Variants in KCNH1 observed in about 807,000 individuals in gnomAD.
KCNH1 encodes potassium voltage-gated channel subfamily H member 1, also known as voltage-gated delayed rectifier potassium channel KCNH1.
A neutral mutation model predicts 69.2 loss-of-function variants in KCNH1; 27 were observed. The observed-to-expected ratio is 0.39, with a 90% CI of 0.29 to 0.54. KCNH1 has a LOEUF of 0.54. KCNH1 is among the 20% of genes least tolerant of loss of function. KCNH1 has a pLI of 0.68. For synonymous variants in KCNH1, 456 were observed against 487.7 expected (o/e 0.93, Z 0.86); for missense variants, 798 against 1,261.6 (o/e 0.63, Z 5.57).
At chr1:210,981,552 G>A (rs1373868593) in intron 6 of KCNH1, among the ~76,000 whole-genome samples, 1 of 151,994 alleles carries the variant, frequency 6.6e-6, no homozygotes, top group African/African-American at 2.4e-5. Flanking sequence ...ATGTAAAAAT[G>A]TCTTCATTTG....
intron 10 of KCNH1, among the ~76,000 whole-genome samples, chr1:210,700,589 A>C (rs1016196885): frequency 3.3e-5 from 5 of 152,160 alleles, no homozygotes; most frequent in African/African-American, 1.2e-4. Flanking sequence ...ATTTGTTGCT[A>C]TTTACATCTG....
At chr1:210,943,939 C>T (rs944005333) in intron 6 of KCNH1, among the ~76,000 whole-genome samples, 8 of 152,166 alleles carry the variant, frequency 5.3e-5, no homozygotes, top group Non-Finnish European at 1.0e-4. Flanking sequence ...ATATACTGGG[C>T]CCAGGGACTG....
intron 5 of KCNH1, among the ~76,000 whole-genome samples, chr1:211,053,574 A>G (rs2102442851): frequency 6.6e-6 from 1 of 152,352 alleles, no homozygotes; most frequent in African/African-American, 2.4e-5. Flanking sequence ...TTTTGGTAGA[A>G]AAAAGGGTTA....
chr1:210,987,495 T>C (rs1449090151), intron 6 of KCNH1, among the ~76,000 whole-genome samples: 1 of 152,216 alleles, frequency 6.6e-6, no homozygotes, highest in Non-Finnish European at 1.5e-5. Flanking sequence ...TAGTTTTCCT[T>C]CTAACAGTCA....
intron 6 of KCNH1, among the ~76,000 whole-genome samples, chr1:210,921,335 G>T (rs1280050397): frequency 1.3e-5 from 2 of 152,172 alleles, no homozygotes; most frequent in Non-Finnish European, 2.9e-5. Context: ...TCAAGACTTT[G>T]TCCTCCCTTA....
At chr1:211,012,500 C>T (rs546128789) in intron 6 of KCNH1, among the ~76,000 whole-genome samples, 1 of 152,128 alleles carries the variant, frequency 6.6e-6, no homozygotes, top group Non-Finnish European at 1.5e-5. Flanking sequence ...TGGAAGAACC[C>T]TATATGCATG....
At chr1:210,764,118 G>A (rs190808148) in intron 10 of KCNH1, among the ~76,000 whole-genome samples, 7 of 152,148 alleles carry the variant, frequency 4.6e-5, no homozygotes, top group Middle Eastern at 3.4e-3. Context: ...AAACAATAGG[G>A]AAAGAATACC....
At chr1:210,963,067 ACTTAT>A (rs1688328148) in intron 6 of KCNH1, among the ~76,000 whole-genome samples, 1 of 151,748 alleles carries the variant, frequency 6.6e-6, no homozygotes, top group Admixed American at 6.6e-5. Context: ...CCAAATCGTA[ACTTAT>A]CTTTTCATTT....
rs189746987 is a variant in KCNH1, at chr1:210,926,048, C to T, written c.1033-5979G>A. 3.0e-4 allele frequency among the ~76,000 whole-genome samples: 46 copies of T among 152,318 alleles called. No individual in the cohort carries two copies. In the East Asian group the frequency reaches 7.7e-3, roughly 26 times the overall value. ...CCGAGGTGGGCGGATCACCTGAGGT[C>T]AGGAGTTCGAGACCAGCCTGGCCAA... is the stretch of plus-strand genomic sequence containing the variant. On this transcript the variant is annotated intron_variant, in intron 6 of 10. Coordinates refer to ENST00000271751, the MANE Select transcript of KCNH1 (RefSeq NM_172362.3).
chr1:210,701,999 T>C (rs979749548), intron 10 of KCNH1, among the ~76,000 whole-genome samples: 6 of 152,242 alleles, frequency 3.9e-5, no homozygotes, highest in Non-Finnish European at 7.3e-5. Context: ...CACACTTGAA[T>C]AATAATTTGG....
At chr1:210,837,509 GA>G (rs1445700448) in intron 7 of KCNH1, among the ~76,000 whole-genome samples, 1 of 152,184 alleles carries the variant, frequency 6.6e-6, no homozygotes, top group Non-Finnish European at 1.5e-5. Context: ...CCATGACAAA[GA>G]GAGAAAATCC....
rs76051029 is a variant in KCNH1 at position 210,808,383 on chromosome 1, G to T, written c.1463-4217C>A. Among the ~76,000 whole-genome samples, 258 of 152,230 alleles carry T rather than the reference G, an allele frequency of 1.7e-3. 8 individuals are homozygous for T. In the East Asian group the frequency reaches 0.044, roughly 26 times the overall value. On this transcript the variant is annotated intron_variant, in intron 7 of 10. Coordinates refer to ENST00000271751, the MANE Select transcript of KCNH1 (RefSeq NM_172362.3). ...AGCAGGTCAGACATCAAGCAGGGAT[G>T]GACAACCATCATTTACAGCTCAGGG...
intron 6 of KCNH1, among the ~76,000 whole-genome samples, chr1:210,971,595 C>T (rs1300372741): frequency 1.3e-5 from 2 of 152,108 alleles, no homozygotes; most frequent in Non-Finnish European, 2.9e-5. Flanking sequence ...GAAAATATTA[C>T]ACAATGTTGT....
At chr1:210,974,928 C>A (rs1388098321) in intron 6 of KCNH1, among the ~76,000 whole-genome samples, 1 of 151,944 alleles carries the variant, frequency 6.6e-6, no homozygotes. Context: ...GTTTTGTACC[C>A]AATACATTAC....
chr1:210,701,930 A>G (rs1681791696), intron 10 of KCNH1, among the ~76,000 whole-genome samples: 1 of 152,166 alleles, frequency 6.6e-6, no homozygotes, highest in Non-Finnish European at 1.5e-5. Context: ...TTCTTCAGGA[A>G]AAAACATGCC....
At chr1:211,029,401 A>G (rs1689742548) in intron 5 of KCNH1, among the ~76,000 whole-genome samples, 1 of 147,648 alleles carries the variant, frequency 6.8e-6, no homozygotes. Flanking sequence ...CTCAATATTG[A>G]AAAAAAAAGC....
intron 10 of KCNH1, among the ~76,000 whole-genome samples, chr1:210,738,380 T>C (rs1230206141): frequency 1.3e-5 from 2 of 152,090 alleles, no homozygotes; most frequent in Non-Finnish European, 2.9e-5. Flanking sequence ...GCATGTTTTG[T>C]GAACAAATGA....
At chr1:210,786,585 G>A (rs932619402) in intron 9 of KCNH1, among the ~76,000 whole-genome samples, 1 of 152,076 alleles carries the variant, frequency 6.6e-6, no homozygotes, top group Non-Finnish European at 1.5e-5. Flanking sequence ...CTCCCTGGGT[G>A]TTCTCAGCCT....
intron 10 of KCNH1, among the ~76,000 whole-genome samples, chr1:210,735,427 T>A (rs1281876112): frequency 2.3e-4 from 2 of 8,728 alleles, no homozygotes; most frequent in South Asian, 4.6e-3. Context: ...AGTGAGTGTG[T>A]GTGTGTGTGT....
Sources: allele counts gnomAD v4.1 joint callset (sites outside exome capture counted in the v4.1 genomes callset), GRCh38; gene constraint gnomAD v4.1.1; transcripts MANE v1.5; gene names NCBI Gene and HGNC (gene_info 2026-07-23, HGNC 2026-07-21).